ARHGAP12: variants seen among roughly 807,000 people sequenced by gnomAD.
The protein encoded by ARHGAP12 is rho GTPase-activating protein 12.
A neutral mutation model predicts 108.6 loss-of-function variants in ARHGAP12; 64 were observed. That is an observed-to-expected ratio of 0.59 (90% CI 0.48 to 0.73). The LOEUF is 0.73. ARHGAP12 is among the 30% of genes least tolerant of loss of function. The pLI is 0.00. For missense variants in ARHGAP12, 940 were observed against 1,005.9 expected, an observed-to-expected ratio of 0.93 and a Z score of 0.89; for synonymous variants, 312 against 337.2, an observed-to-expected ratio of 0.93 and a Z score of 0.82.
intron 10 of ARHGAP12, among the ~76,000 whole-genome samples, chr10:31,830,744 A>G (rs1835801017): frequency 1.3e-5 from 2 of 152,220 alleles, no homozygotes; most frequent in South Asian, 2.1e-4. Flanking sequence ...CAACAATCCA[A>G]TAGAAAAACA....
At chr10:31,923,132 G>GAAAAAAAAAAAAAAAAAA (rs58930834) in intron 1 of ARHGAP12, among the ~76,000 whole-genome samples, 2 of 83,226 alleles carry the variant, frequency 2.4e-5, no homozygotes, top group Non-Finnish European at 4.3e-5. Flanking sequence ...ACCCTAACAG[G>GAAAAAAAAAAAAAAAAAA]AAAAAAAAAA....
At chr10:31,910,927 T>C (rs926537956) in intron 1 of ARHGAP12, among the ~76,000 whole-genome samples, 8 of 152,248 alleles carry the variant, frequency 5.3e-5, no homozygotes, top group Admixed American at 1.3e-4. Flanking sequence ...AGTTTATGTA[T>C]TGAATGGGTA....
intron 4 of ARHGAP12, 28 bp downstream of exon 4, chr10:31,861,367 T>C: frequency 6.4e-7 from 1 of 1,566,784 alleles, no homozygotes; most frequent in South Asian, 1.2e-5. Flanking sequence ...ATCTGGTAAC[T>C]TGCAGTTGAT....
intron 11 of ARHGAP12, among the ~76,000 whole-genome samples, chr10:31,823,570 G>GTACC (rs900756956): frequency 5.9e-5 from 9 of 151,950 alleles, no homozygotes; most frequent in African/African-American, 2.2e-4. Flanking sequence ...CCATTCATGA[G>GTACC]TACCTGCCCT....
chr10:31,897,298 T>C (rs533099771), intron 3 of ARHGAP12, among the ~76,000 whole-genome samples: 77 of 152,308 alleles, frequency 5.1e-4, no homozygotes, highest in African/African-American at 1.8e-3. Flanking sequence ...TCCACATCCC[T>C]GGTCTTGCCT....
intron 3 of ARHGAP12, among the ~76,000 whole-genome samples, chr10:31,873,574 TA>T (rs1201686779): frequency 6.6e-6 from 1 of 152,204 alleles, no homozygotes; most frequent in Non-Finnish European, 1.5e-5. Flanking sequence ...TCTCTCCCAC[TA>T]AGTTGTAAGC....
intron 3 of ARHGAP12, among the ~76,000 whole-genome samples, chr10:31,889,868 G>A (rs1348224535): frequency 2.6e-5 from 4 of 151,464 alleles, no homozygotes; most frequent in African/African-American, 9.7e-5. Flanking sequence ...ACAGGCATGA[G>A]CCACCATGCC....
chr10:31,895,425 G>A (rs1463015967), intron 3 of ARHGAP12, among the ~76,000 whole-genome samples: 1 of 152,130 alleles, frequency 6.6e-6, no homozygotes, highest in East Asian at 1.9e-4. Context: ...TCAACAAGTG[G>A]GCAAAGGATA....
intron 3 of ARHGAP12, among the ~76,000 whole-genome samples, chr10:31,902,950 GC>G (rs1334029619): frequency 6.6e-6 from 1 of 152,054 alleles, no homozygotes; most frequent in African/African-American, 2.4e-5. Flanking sequence ...TCAAATGAAG[GC>G]CTGAATAGAA....
chr10:31,858,862 G>A (rs1296440254), intron 4 of ARHGAP12, among the ~76,000 whole-genome samples: 1 of 152,120 alleles, frequency 6.6e-6, no homozygotes, highest in Admixed American at 6.6e-5. Flanking sequence ...TTACCTACAC[G>A]GAAGAAAGTA....
At chr10:31,878,534 C>T (rs907219200) in intron 3 of ARHGAP12, among the ~76,000 whole-genome samples, 2 of 152,190 alleles carry the variant, frequency 1.3e-5, no homozygotes, top group African/African-American at 2.4e-5. Context: ...TTGTATTTTA[C>T]ATTTATTAAA....
At chr10:31,876,311 C>T (rs964063943) in intron 3 of ARHGAP12, among the ~76,000 whole-genome samples, 4 of 152,046 alleles carry the variant, frequency 2.6e-5, no homozygotes, top group South Asian at 2.1e-4. Context: ...TGAGGTCAGG[C>T]GGTAGAGACC....
chr10:31,871,352 T>TC, intron 3 of ARHGAP12, among the ~76,000 whole-genome samples: 1 of 152,356 alleles, frequency 6.6e-6, no homozygotes, highest in East Asian at 1.9e-4. Context: ...TGATTTTTTT[T>TC]CAGGTGATTT....
chr10:31,893,731 C>A (rs570642370), intron 3 of ARHGAP12, among the ~76,000 whole-genome samples: 2 of 152,184 alleles, frequency 1.3e-5, no homozygotes, highest in Non-Finnish European at 2.9e-5. Flanking sequence ...AGGGAATCCT[C>A]CCTAACTCAC....
At chr10:31,825,631 C>A (rs1835576346) in intron 11 of ARHGAP12, among the ~76,000 whole-genome samples, 1 of 152,090 alleles carries the variant, frequency 6.6e-6, no homozygotes, top group South Asian at 2.1e-4. Flanking sequence ...AGAGCAATAG[C>A]TATCCCAGCG....
At chr10:31,862,625 G>A (rs914270471) in intron 3 of ARHGAP12, among the ~76,000 whole-genome samples, 14 of 151,888 alleles carry the variant, frequency 9.2e-5, no homozygotes, top group African/African-American at 2.9e-4. Context: ...TTTGTTGTAA[G>A]GGCTATCCTC....
chr10:31,862,703 CAG>C (rs139266174), intron 3 of ARHGAP12, among the ~76,000 whole-genome samples: 1,390 of 51,250 alleles, frequency 0.027, 25 homozygotes, highest in East Asian at 0.18. Flanking sequence ...CATGCACACA[CAG>C]ACACACACAC....
At chr10:31,871,051 A>T (rs1837524435) in intron 3 of ARHGAP12, among the ~76,000 whole-genome samples, 1 of 152,218 alleles carries the variant, frequency 6.6e-6, no homozygotes, top group East Asian at 1.9e-4. Flanking sequence ...AGGATGCTCT[A>T]GAAGCACAGA....
At chr10:31,917,838 T>G (rs921982027) in intron 1 of ARHGAP12, among the ~76,000 whole-genome samples, 13 of 152,208 alleles carry the variant, frequency 8.5e-5, no homozygotes, top group African/African-American at 2.7e-4. Flanking sequence ...AGAGTCATGG[T>G]GGGCAAAGAA....
Sources: allele counts gnomAD v4.1 joint callset (sites outside exome capture counted in the v4.1 genomes callset), GRCh38; gene constraint gnomAD v4.1.1; transcripts MANE v1.5; gene names NCBI Gene and HGNC (gene_info 2026-07-23, HGNC 2026-07-21).